Variants in ANXA6 observed in about 807,000 individuals in gnomAD.
ANXA6 encodes the protein annexin A6, also known as 67 kDa calelectrin.
A neutral mutation model predicts 95.4 loss-of-function variants in ANXA6; 71 were observed. The ratio of observed to expected loss-of-function variants is 0.74; its 90% CI spans 0.61 to 0.91. The LOEUF (loss-of-function observed/expected upper bound fraction) is 0.91, where lower values mean the gene tolerates loss of function less well. Ranked by LOEUF, ANXA6 falls within the 40% of genes least tolerant of loss-of-function variation. ANXA6 has a pLI of 0.00. For synonymous variants in ANXA6, 289 were observed against 315.9 expected, an observed-to-expected ratio of 0.91 and a Z score of 0.90; for missense variants, 830 against 876.4, an observed-to-expected ratio of 0.95 and a Z score of 0.67.
chr5:151,147,690 G>A (rs1766005938), intron 2 of ANXA6, among the ~76,000 whole-genome samples, 194 bp downstream of exon 2: 1 of 152,162 alleles, frequency 6.6e-6, no homozygotes, highest in Non-Finnish European at 1.5e-5. Flanking sequence ...AGGATATTGT[G>A]GGTTATATTA....
chr5:151,107,215 G>C (rs1177025431), intron 23 of ANXA6, among the ~76,000 whole-genome samples: 1 of 152,250 alleles, frequency 6.6e-6, no homozygotes, highest in East Asian at 1.9e-4. Context: ...CCCTTGTCCA[G>C]TGAGTATTAC....
intron 1 of ANXA6, among the ~76,000 whole-genome samples, chr5:151,153,265 A>G (rs1582023022): frequency 6.6e-6 from 1 of 152,336 alleles, no homozygotes; most frequent in East Asian, 1.9e-4. Flanking sequence ...TAGCTTCACT[A>G]ACAGAACCTG....
At chr5:151,152,435 C>T (rs934167214) in intron 1 of ANXA6, among the ~76,000 whole-genome samples, 1 of 152,200 alleles carries the variant, frequency 6.6e-6, no homozygotes, top group African/African-American at 2.4e-5. Flanking sequence ...GTAACTTGGG[C>T]AAGTTATGGA....
At chr5:151,117,203 G>C (rs1473365771) in intron 19 of ANXA6, 23 bp from the exon 20 acceptor site, 1 of 1,578,508 alleles carries the variant, frequency 6.3e-7, no homozygotes, top group South Asian at 1.1e-5. Flanking sequence ...CAGCAAGAAA[G>C]TTCAGTCCCC....
chr5:151,151,507 T>A (rs1218835080), intron 1 of ANXA6: 6 of 152,178 alleles, frequency 3.9e-5, no homozygotes, highest in Admixed American at 3.3e-4. Context: ...TTGGCTGCAA[T>A]GGGACACCAG....
At chr5:151,126,947 C>G (rs902691199) in intron 13 of ANXA6, among the ~76,000 whole-genome samples, 3 of 152,186 alleles carry the variant, frequency 2.0e-5, no homozygotes, top group Non-Finnish European at 2.9e-5. Flanking sequence ...GAACTCCTGA[C>G]CTCAGGTGAT....
At chr5:151,121,003 A>G (rs1216556584) in intron 17 of ANXA6, among the ~76,000 whole-genome samples, 1 of 152,138 alleles carries the variant, frequency 6.6e-6, no homozygotes, top group Admixed American at 6.5e-5. Flanking sequence ...TACCTCATCG[A>G]TCTCTTCTAT....
At chr5:151,114,114 T>C (rs944964108) in intron 20 of ANXA6, among the ~76,000 whole-genome samples, 1 of 152,206 alleles carries the variant, frequency 6.6e-6, no homozygotes, top group Admixed American at 6.5e-5. Context: ...GATTAGTGGT[T>C]GCTTAGGGCT....
At chr5:151,137,437 C>G (rs1319870293) in intron 5 of ANXA6, 116 bp from the exon 6 acceptor site, 7 of 699,564 alleles carry the variant, frequency 1.0e-5, no homozygotes, top group Non-Finnish European at 1.6e-5. Context: ...AGGTTCCTAC[C>G]CAGCTCTTAG....
chr5:151,107,241 G>A (rs369721633), intron 23 of ANXA6, among the ~76,000 whole-genome samples: 3 of 152,220 alleles, frequency 2.0e-5, no homozygotes, highest in African/African-American at 7.2e-5. Context: ...AAGAGGCACC[G>A]TTCCAAGTGC....
chr5:151,112,656 A>G (rs1459191906), intron 20 of ANXA6, among the ~76,000 whole-genome samples: 3 of 152,056 alleles, frequency 2.0e-5, no homozygotes, highest in African/African-American at 7.2e-5. Context: ...ACGTGGAGAA[A>G]CCCTACTCTA....
chr5:151,112,509 T>C (rs1243514897), intron 20 of ANXA6, among the ~76,000 whole-genome samples: 1 of 152,220 alleles, frequency 6.6e-6, no homozygotes, highest in Middle Eastern at 3.2e-3. Flanking sequence ...TATGGGCTGC[T>C]TCTGGTTTTT....
chr5:151,135,311 G>T (rs571359860), intron 7 of ANXA6, among the ~76,000 whole-genome samples: 11 of 152,262 alleles, frequency 7.2e-5, no homozygotes, highest in Admixed American at 3.3e-4. Flanking sequence ...CCAAGATACA[G>T]GGATAGGACA....
intron 3 of ANXA6, among the ~76,000 whole-genome samples, chr5:151,139,808 AAAG>A (rs1348420467): frequency 2.0e-5 from 3 of 152,172 alleles, no homozygotes; most frequent in Non-Finnish European, 2.9e-5. Flanking sequence ...ACCACAAGAC[AAAG>A]AAGAACATAA....
chr5:151,136,599 TCTC>T (rs1765670367), intron 6 of ANXA6, among the ~76,000 whole-genome samples: 1 of 152,156 alleles, frequency 6.6e-6, no homozygotes, highest in African/African-American at 2.4e-5. Context: ...CCGATGGTTC[TCTC>T]CTCCTCTATT....
chr5:151,157,575 G>C (rs1766270198), intron 1 of ANXA6, 105 bp downstream of exon 1: 1 of 152,796 alleles, frequency 6.5e-6, no homozygotes, highest in South Asian at 2.1e-4. Flanking sequence ...GCTCCTGGCG[G>C]GGGGTACCCA....
rs1766123272 is a variant in ANXA6 at position 151,152,176 on chromosome 5, TAAACTG to T, written c.-25-4256_-25-4251del. On this transcript the variant is annotated intron_variant, in intron 1 of 25. Transcript: ENST00000354546. The stretch of plus-strand genomic sequence containing the variant: ...CAGTTTGTGATGTAAGTAAGTTACT[TAAACTG>T]AATCTCAATTTCCACATCCGCAAAA... Among the ~76,000 whole-genome samples the T allele has an allele frequency of 2.0e-5, 3 of 152,208 alleles. No individual in the cohort carries two copies. The South Asian group carries it at 6.2e-4, about 31-fold the overall frequency.
intron 17 of ANXA6, among the ~76,000 whole-genome samples, chr5:151,120,332 T>A (rs1765128192): frequency 6.7e-6 from 1 of 150,218 alleles, no homozygotes; most frequent in South Asian, 2.1e-4. Flanking sequence ...ACTGAATGAG[T>A]CAATGACTAA....
chr5:151,135,925 C>T (rs1765645972), intron 7 of ANXA6, among the ~76,000 whole-genome samples: 2 of 152,132 alleles, frequency 1.3e-5, no homozygotes. Context: ...GGTGAGGAGG[C>T]AATAAGGCTC....
Sources: gnomAD v4.1 joint callset for allele counts (sites outside exome capture counted in the v4.1 genomes callset) on GRCh38, gnomAD v4.1.1 for gene constraint, MANE v1.5 for transcripts, NCBI Gene and HGNC (gene_info 2026-07-23, HGNC 2026-07-21) for gene names.